The following GSTCD variants were observed in gnomAD, a reference collection of about 807,000 sequenced individuals.
GSTCD encodes the protein glutathione S-transferase C-terminal domain containing.
In GSTCD, 44 loss-of-function variants were observed where a neutral mutation model predicts 68.3. The ratio of observed to expected loss-of-function variants is 0.64; its 90% CI spans 0.51 to 0.83. The LOEUF is 0.83. Among genes scored for constraint, GSTCD ranks in the 40% least tolerant of loss-of-function variants. The pLI, the probability that GSTCD is intolerant of heterozygous loss-of-function variation, is 0.00. For synonymous variants in GSTCD, 273 were observed against 255.2 expected, an observed-to-expected ratio of 1.07 and a Z score of -0.67; for missense variants, 739 against 735.9, an observed-to-expected ratio of 1.00 and a Z score of -0.05.
intron 5 of GSTCD, among the ~76,000 whole-genome samples, chr4:105,758,514 G>A (rs923262502): frequency 6.6e-6 from 1 of 152,174 alleles, no homozygotes; most frequent in Non-Finnish European, 1.5e-5. Flanking sequence ...TAATATGCCT[G>A]CTTCCCCTTT....
At chr4:105,832,528 C>CT (rs1365253309) in intron 8 of GSTCD, among the ~76,000 whole-genome samples, 1 of 148,134 alleles carries the variant, frequency 6.8e-6, no homozygotes, top group African/African-American at 2.7e-5. Context: ...TTTCTAAACT[C>CT]TTTTTTGCTC....
intron 5 of GSTCD, among the ~76,000 whole-genome samples, chr4:105,748,932 T>A (rs923774564): frequency 2.0e-5 from 3 of 152,144 alleles, no homozygotes; most frequent in South Asian, 2.1e-4. Flanking sequence ...CATGTTTTTT[T>A]AAAATAGAAT....
intron 7 of GSTCD, among the ~76,000 whole-genome samples, chr4:105,825,469 T>C (rs1723555128): frequency 6.6e-6 from 1 of 152,202 alleles, no homozygotes; most frequent in South Asian, 2.1e-4. Context: ...TATATCACTA[T>C]GCTTCAAAGC....
intron 10 of GSTCD, among the ~76,000 whole-genome samples, chr4:105,841,271 C>A (rs1724326575): frequency 6.6e-6 from 1 of 151,766 alleles, no homozygotes; most frequent in African/African-American, 2.4e-5. Context: ...TTGCAGTGAG[C>A]CGAGATTGTG....
In GSTCD at chr4:105,847,547, A is replaced by C. The variant is rs1724599675; in HGVS notation, c.*1970A>C. On this transcript the variant is annotated 3_prime_UTR_variant, in exon 12 of 12. Transcript: ENST00000515279. ...TAACCATCACTGGAATCAGATATAG[A>C]ATATTCCCCTTAAATATTGTCAGGT... 1 of 152,170 alleles carries C rather than the reference A, an allele frequency of 6.6e-6. No individual in the cohort carries two copies. Among genetic ancestry groups the C allele is most frequent in the Non-Finnish European group, 1.5e-5 (1 of 68,016 alleles). The allele number at this position is 152,170 out of a possible 1,614,324, so 9.4% of individuals were successfully genotyped here.
At chr4:105,779,284 A>G (rs1419918680) in intron 5 of GSTCD, among the ~76,000 whole-genome samples, 1 of 152,106 alleles carries the variant, frequency 6.6e-6, no homozygotes, top group Non-Finnish European at 1.5e-5. Context: ...ATGCCCCTCA[A>G]CTTGTATTTG....
At chr4:105,817,365 TTTAG>T (rs1299138619) in intron 5 of GSTCD, among the ~76,000 whole-genome samples, 2 of 151,878 alleles carry the variant, frequency 1.3e-5, no homozygotes, top group African/African-American at 4.8e-5. Context: ...CTGCTGTCTT[TTTAG>T]TTAATTATTT....
chr4:105,835,760 T>A (rs1381491870), intron 9 of GSTCD, among the ~76,000 whole-genome samples: 3 of 152,148 alleles, frequency 2.0e-5, no homozygotes, highest in Admixed American at 2.0e-4. Context: ...TGAGTTCTTG[T>A]CCCAAATCGA....
At chr4:105,739,634 G>T (rs1333947661) in intron 5 of GSTCD, among the ~76,000 whole-genome samples, 1 of 152,166 alleles carries the variant, frequency 6.6e-6, no homozygotes, top group African/African-American at 2.4e-5. Flanking sequence ...TTTTCGAAGA[G>T]ACTGTGTACC....
chr4:105,725,780 A>G (rs991299770), intron 3 of GSTCD, among the ~76,000 whole-genome samples: 1 of 152,148 alleles, frequency 6.6e-6, no homozygotes, highest in African/African-American at 2.4e-5. Context: ...AATCACATGA[A>G]AAGTTGCTCA....
intron 5 of GSTCD, among the ~76,000 whole-genome samples, chr4:105,745,655 C>T (rs1733775154): frequency 6.6e-6 from 1 of 152,162 alleles, no homozygotes; most frequent in Non-Finnish European, 1.5e-5. Context: ...TGGCCTAAGC[C>T]ACTTAATCCA....
intron 5 of GSTCD, among the ~76,000 whole-genome samples, chr4:105,770,737 G>A (rs1734812888): frequency 6.6e-6 from 1 of 152,120 alleles, no homozygotes; most frequent in Non-Finnish European, 1.5e-5. Flanking sequence ...ATTCCATGGT[G>A]TATATGTGCC....
chr4:105,803,323 A>G (rs1056540393), intron 5 of GSTCD, among the ~76,000 whole-genome samples: 3 of 152,132 alleles, frequency 2.0e-5, no homozygotes, highest in Admixed American at 6.6e-5. Context: ...TAAAATAAAC[A>G]TTGATAGCAT....
intron 5 of GSTCD, among the ~76,000 whole-genome samples, chr4:105,803,549 G>A (rs1304582129): frequency 6.6e-6 from 1 of 151,942 alleles, no homozygotes; most frequent in Non-Finnish European, 1.5e-5. Flanking sequence ...AAGAAGGCTA[G>A]GAAACATGTA....
intron 8 of GSTCD, among the ~76,000 whole-genome samples, chr4:105,833,771 G>A (rs1192538431): frequency 7.2e-6 from 1 of 138,962 alleles, no homozygotes; most frequent in Non-Finnish European, 1.5e-5. Flanking sequence ...TTAAGGATAT[G>A]TGTTTTAAAA....
chr4:105,822,440 A>G (rs1323775438), intron 5 of GSTCD, among the ~76,000 whole-genome samples: 4 of 152,134 alleles, frequency 2.6e-5, no homozygotes, highest in Non-Finnish European at 5.9e-5. Flanking sequence ...AAGAATCAAG[A>G]GTTCAAGGAT....
At chr4:105,821,192 A>G (rs927713197) in intron 5 of GSTCD, 1 of 151,916 alleles carries the variant, frequency 6.6e-6, no homozygotes, top group Non-Finnish European at 1.5e-5. Context: ...CTGCAAATTA[A>G]AACTGCATTG....
At position 105,722,598 on chromosome 4, in the gene GSTCD, G is replaced by T. The variant is rs185245022; in HGVS notation, c.894+3071G>T. On this transcript the variant is annotated intron_variant, in intron 3 of 11. Coordinates refer to ENST00000515279, the MANE Select transcript of GSTCD (RefSeq NM_001370181.1). ...CAAATATTTTATATAGTAAGTGATT[G>T]TAAAGGAATGCAAAGGAGGAGATAT... Among the ~76,000 whole-genome samples the T allele has an allele frequency of 1.6e-4, 25 of 152,124 alleles. 1 individual carries two copies. In the East Asian group the frequency reaches 4.6e-3, roughly 28 times the overall value.
At chr4:105,792,102 A>G (rs912476973) in intron 5 of GSTCD, among the ~76,000 whole-genome samples, 3 of 152,084 alleles carry the variant, frequency 2.0e-5, no homozygotes, top group Admixed American at 1.3e-4. Flanking sequence ...ACTGCTCTTC[A>G]TGTTCTGTTC....
Sources: allele counts gnomAD v4.1 joint callset (sites outside exome capture counted in the v4.1 genomes callset), GRCh38; gene constraint gnomAD v4.1.1; transcripts MANE v1.5; gene names NCBI Gene and HGNC (gene_info 2026-07-23, HGNC 2026-07-21).